GNAQ: variants seen among roughly 807,000 people sequenced by gnomAD.
GNAQ encodes G protein subunit alpha q.
A neutral mutation model predicts 43.9 loss-of-function variants in GNAQ; 8 were observed. The observed-to-expected ratio is 0.18, with a 90% CI of 0.11 to 0.33. The LOEUF is 0.33. Ranked by LOEUF, GNAQ falls within the 10% of genes least tolerant of loss-of-function variation. GNAQ has a pLI of 1.00. For synonymous variants in GNAQ, 155 were observed against 170.7 expected, an observed-to-expected ratio of 0.91 and a Z score of 0.71; for missense variants, 158 against 450.8, an observed-to-expected ratio of 0.35 and a Z score of 5.88.
In GNAQ at chr9:77,921,628, C is replaced by T. The variant is rs141743998; in HGVS notation, c.321+533G>A. On this transcript the variant is annotated intron_variant, in intron 2 of 6. Coordinates refer to ENST00000286548, the MANE Select transcript of GNAQ (RefSeq NM_002072.5). ...AGTTTCTGTTACTTTAACACAGTTG[C>T]AGGGAAATGCGTTGGAAAGGTTATT... is the stretch of plus-strand genomic sequence containing the variant. Among the ~76,000 whole-genome samples, 1,052 of 152,264 alleles carry T rather than the reference C, an allele frequency of 6.9e-3. 16 individuals are homozygous for T. The highest frequency in any genetic ancestry group is 0.023 in the African/African-American group (975 of 41,530).
At chr9:77,858,414 A>G (rs1176400091) in intron 2 of GNAQ, among the ~76,000 whole-genome samples, 1 of 152,116 alleles carries the variant, frequency 6.6e-6, no homozygotes, top group Non-Finnish European at 1.5e-5. Context: ...CCCCTCAACC[A>G]TTTAGAGTGA....
intron 2 of GNAQ, among the ~76,000 whole-genome samples, chr9:77,824,431 T>G (rs1031587567): frequency 6.6e-6 from 1 of 152,198 alleles, no homozygotes; most frequent in African/African-American, 2.4e-5. Context: ...TCGGTATTAG[T>G]TCAGAATAGT....
intron 2 of GNAQ, among the ~76,000 whole-genome samples, chr9:77,883,791 C>A (rs1828257195): frequency 6.6e-6 from 1 of 152,076 alleles, no homozygotes; most frequent in Non-Finnish European, 1.5e-5. Flanking sequence ...GTGGTCACAC[C>A]CTATCTTTGC....
At chr9:77,832,726 T>G (rs1455509107) in intron 2 of GNAQ, among the ~76,000 whole-genome samples, 2 of 152,152 alleles carry the variant, frequency 1.3e-5, no homozygotes, top group African/African-American at 2.4e-5. Context: ...TCTGAACACT[T>G]AAACCTACGA....
At chr9:77,911,748 A>G (rs1324093747) in intron 2 of GNAQ, among the ~76,000 whole-genome samples, 1 of 152,194 alleles carries the variant, frequency 6.6e-6, no homozygotes, top group Non-Finnish European at 1.5e-5. Context: ...GGAATTTGGT[A>G]GAACTCCATT....
At chr9:77,823,252 G>A (rs1168173279) in intron 2 of GNAQ, among the ~76,000 whole-genome samples, 1 of 152,002 alleles carries the variant, frequency 6.6e-6, no homozygotes, top group East Asian at 1.9e-4. Flanking sequence ...AATTTAAGTA[G>A]GAAGAAGGGA....
chr9:77,742,772 G>A (rs1416510744), intron 5 of GNAQ, among the ~76,000 whole-genome samples: 1 of 152,128 alleles, frequency 6.6e-6, no homozygotes, highest in Non-Finnish European at 1.5e-5. Context: ...AGGACTGTGG[G>A]GTGGGATGGA....
intron 5 of GNAQ, among the ~76,000 whole-genome samples, chr9:77,740,547 A>T (rs1260933473): frequency 6.6e-6 from 1 of 152,236 alleles, no homozygotes; most frequent in Non-Finnish European, 1.5e-5. Flanking sequence ...AAGTTTTTGC[A>T]TACAAAATAC....
intron 1 of GNAQ, among the ~76,000 whole-genome samples, chr9:77,930,937 T>A (rs1829140434): frequency 6.6e-6 from 1 of 152,036 alleles, no homozygotes; most frequent in Non-Finnish European, 1.5e-5. Flanking sequence ...TGCATTAGAT[T>A]CTCATAGAAG....
chr9:77,811,725 AAAGT>A (rs1250800137), intron 3 of GNAQ, among the ~76,000 whole-genome samples: 1 of 152,206 alleles, frequency 6.6e-6, no homozygotes, highest in Non-Finnish European at 1.5e-5. Context: ...GGTGAAGAAT[AAAGT>A]AAGTAACACT....
At chr9:77,997,368 A>C (rs1823582594) in intron 1 of GNAQ, among the ~76,000 whole-genome samples, 1 of 152,124 alleles carries the variant, frequency 6.6e-6, no homozygotes, top group African/African-American at 2.4e-5. Flanking sequence ...TCATATCTCC[A>C]GAGATTTTTC....
At chr9:77,741,837 T>C (rs564476485) in intron 5 of GNAQ, among the ~76,000 whole-genome samples, 3 of 152,344 alleles carry the variant, frequency 2.0e-5, no homozygotes, top group African/African-American at 7.2e-5. Flanking sequence ...ACTCCATCCC[T>C]GCTTTTCCTC....
chr9:77,716,298 T>C lies in GNAQ; in HGVS notation c.*5025A>G. 1 of 231,684 alleles carries C rather than the reference T, an allele frequency of 4.3e-6. No homozygotes were observed. The highest frequency in any genetic ancestry group is 6.1e-5 in the East Asian group (1 of 16,358). The allele number at this position is 231,684 out of a possible 1,614,324, so 14.4% of individuals were successfully genotyped here. On this transcript the variant is annotated 3_prime_UTR_variant, in exon 7 of 7. Transcript: ENST00000286548. ...ATTATGGCCAAAAATACTGTATTTT[T>C]AACCAGCAAGATCATTGGGGCATTA...
intron 5 of GNAQ, among the ~76,000 whole-genome samples, chr9:77,766,707 C>T (rs546501864): frequency 6.6e-6 from 1 of 152,174 alleles, no homozygotes; most frequent in South Asian, 2.1e-4. Flanking sequence ...TGTTATGCAC[C>T]GTTTTTTGCT....
chr9:78,000,174 G>C (rs771920381), intron 1 of GNAQ, among the ~76,000 whole-genome samples: 1 of 152,058 alleles, frequency 6.6e-6, no homozygotes, highest in African/African-American at 2.4e-5. Flanking sequence ...TAAAAAGAGG[G>C]TAATTAGCAT....
At chr9:77,982,019 C>G (rs1325703970) in intron 1 of GNAQ, among the ~76,000 whole-genome samples, 1 of 152,166 alleles carries the variant, frequency 6.6e-6, no homozygotes, top group African/African-American at 2.4e-5. Context: ...CTCTTGGTAT[C>G]TGATTTAGGT....
intron 5 of GNAQ, among the ~76,000 whole-genome samples, chr9:77,757,662 A>G (rs965505134): frequency 6.6e-5 from 10 of 152,200 alleles, no homozygotes; most frequent in African/African-American, 2.4e-4. Context: ...AGTGCTCCCA[A>G]TAAGTCTTGC....
At chr9:77,760,898 G>C (rs571008579) in intron 5 of GNAQ, among the ~76,000 whole-genome samples, 2 of 135,006 alleles carry the variant, frequency 1.5e-5, no homozygotes, top group South Asian at 2.5e-4. Context: ...GCCCGGTCGC[G>C]ACCCCGTCTG....
At chr9:77,725,283 A>T (rs1825380480) in intron 6 of GNAQ, among the ~76,000 whole-genome samples, 1 of 152,180 alleles carries the variant, frequency 6.6e-6, no homozygotes, top group East Asian at 1.9e-4. Flanking sequence ...GTCCATGTGG[A>T]AAGGGTAATT....
Sources: gnomAD v4.1 joint callset for allele counts (sites outside exome capture counted in the v4.1 genomes callset) on GRCh38, gnomAD v4.1.1 for gene constraint, MANE v1.5 for transcripts, NCBI Gene and HGNC (gene_info 2026-07-23, HGNC 2026-07-21) for gene names.